Variants in TRPM7 observed in about 807,000 individuals in gnomAD.
TRPM7 encodes transient receptor potential cation channel subfamily M member 7.
In TRPM7, 134 loss-of-function variants were observed where a neutral mutation model predicts 229.7. The ratio of observed to expected loss-of-function variants is 0.58; its 90% CI spans 0.51 to 0.67. TRPM7 has a LOEUF of 0.67. TRPM7 is among the 30% of genes least tolerant of loss of function. The pLI is 0.00. For missense variants in TRPM7, 1,901 were observed against 2,210.0 expected, an observed-to-expected ratio of 0.86 and a Z score of 2.80; for synonymous variants, 699 against 715.2, an observed-to-expected ratio of 0.98 and a Z score of 0.36.
intron 15 of TRPM7, 68 bp downstream of exon 15, chr15:50,613,639 A>G: frequency 1.5e-6 from 2 of 1,345,998 alleles, no homozygotes; most frequent in Non-Finnish European, 1.9e-6. Context: ...TTTTTTGTTT[A>G]ATAATACTAA....
chr15:50,611,837 T>C (rs946724391), intron 16 of TRPM7, among the ~76,000 whole-genome samples: 1 of 152,226 alleles, frequency 6.6e-6, no homozygotes, highest in Non-Finnish European at 1.5e-5. Context: ...GGTCTTAGTA[T>C]ATATTAGAAA....
At chr15:50,581,454 G>C (rs1040717441) in intron 29 of TRPM7, among the ~76,000 whole-genome samples, 3 of 151,684 alleles carry the variant, frequency 2.0e-5, no homozygotes, top group African/African-American at 7.3e-5. Flanking sequence ...AGCCAAGATC[G>C]TGCCATTGCA....
At chr15:50,655,658 T>C (rs1307075222) in intron 3 of TRPM7, among the ~76,000 whole-genome samples, 2 of 152,028 alleles carry the variant, frequency 1.3e-5, no homozygotes, top group South Asian at 2.1e-4. Flanking sequence ...ACAGCTGCCT[T>C]CTCATTAGAA....
chr15:50,619,119 G>C (rs1281050803), intron 13 of TRPM7, among the ~76,000 whole-genome samples: 1 of 151,852 alleles, frequency 6.6e-6, no homozygotes, highest in African/African-American at 2.4e-5. Flanking sequence ...GCTGAAGATA[G>C]AGGAAAAAAG....
intron 30 of TRPM7, among the ~76,000 whole-genome samples, chr15:50,579,796 T>G (rs2174608): frequency 6.6e-6 from 1 of 151,890 alleles, no homozygotes; most frequent in Non-Finnish European, 1.5e-5. Flanking sequence ...TTTTCTTTTT[T>G]AAAAAAAATT....
chr15:50,594,387 A>G (rs2059584038), intron 24 of TRPM7, 42 bp downstream of exon 24: 1 of 1,465,790 alleles, frequency 6.8e-7, no homozygotes, highest in Admixed American at 2.0e-5. Flanking sequence ...AAAAATGAGA[A>G]GTGATAAAAT....
chr15:50,678,253 A>AC lies in TRPM7; in HGVS notation c.3+8277_3+8278insG, dbSNP rs1345171688. 1.1e-4 allele frequency among the ~76,000 whole-genome samples: 14 copies of AC among 127,028 alleles called. No individual in the cohort carries two copies. The East Asian group carries it at 1.2e-3, about 11-fold the overall frequency. The allele number at this position is 127,028 out of a possible 152,430, so 83.3% of individuals were successfully genotyped here. ...AGACTCTCTCTCAAAAAAAAAAAAC[A>AC]AAAACAAAAACAAAAACAAAAACAA... On this transcript the variant is annotated intron_variant, in intron 1 of 38. Transcript: ENST00000646667.
intron 13 of TRPM7, among the ~76,000 whole-genome samples, chr15:50,615,797 G>A (rs2060206358): frequency 6.6e-6 from 1 of 152,110 alleles, no homozygotes; most frequent in South Asian, 2.1e-4. Flanking sequence ...TCAGAAGGCT[G>A]AGGCAGAAGA....
At chr15:50,617,127 CAAAAAAATAAATAAAT>C (rs2060243112) in intron 13 of TRPM7, among the ~76,000 whole-genome samples, 5 of 135,298 alleles carry the variant, frequency 3.7e-5, no homozygotes, top group African/African-American at 1.4e-4. Context: ...CCATCTCTAC[CAAAAAAATAAATAAAT>C]AAATAAATAA....
At chr15:50,566,622 G>A (rs542189343) in intron 38 of TRPM7, among the ~76,000 whole-genome samples, 1 of 152,204 alleles carries the variant, frequency 6.6e-6, no homozygotes, top group South Asian at 2.1e-4. Context: ...TTTGAACCTG[G>A]GAGGTGGAGG....
At position 50,624,092 on chromosome 15, in the gene TRPM7, T is replaced by C. The variant is rs1326903780; in HGVS notation, c.1440+74A>G. 4 of 1,419,388 alleles carry C rather than the reference T, an allele frequency of 2.8e-6. No homozygotes were observed. In the African/African-American group the frequency reaches 4.3e-5, roughly 15 times the overall value. The allele number at this position is 1,419,388 out of a possible 1,614,324, so 87.9% of individuals were successfully genotyped here. The stretch of plus-strand genomic sequence containing the variant: ...ACATTAAGGGTTTTATCAATAGGAA[T>C]GGCTATATTCAGGTAAAGTAACATT... On this transcript the variant is annotated intron_variant, in intron 12 of 38. Coordinates refer to ENST00000646667, the MANE Select transcript of TRPM7 (RefSeq NM_017672.6).
intron 17 of TRPM7, among the ~76,000 whole-genome samples, chr15:50,610,622 C>A (rs2060040303): frequency 6.6e-6 from 1 of 152,034 alleles, no homozygotes; most frequent in Non-Finnish European, 1.5e-5. Flanking sequence ...AAGGTACATG[C>A]CATTTTACCC....
At position 50,634,510 on chromosome 15, in the gene TRPM7, C is replaced by T; in HGVS notation, c.879G>A (p.Gly293=). Reference sequence around the variant, plus strand: ...CAAGAACTGTGAGGATAACATTTGGCCCACCCTCAAATATAAGTGCCACCA... The same window carrying T: ...CAAGAACTGTGAGGATAACATTTGGTCCACCCTCAAATATAAGTGCCACCA... ...VPVVALIFEG[G]PNVILTVLEY... is the part of the protein sequence containing the mutation. The change falls in exon 8 of 39, where the codon GGG becomes GGA. Residue 293 remains glycine (G), a synonymous_variant. Transcript: ENST00000646667. 1 of 1,556,056 alleles carries T rather than the reference C, an allele frequency of 6.4e-7. No homozygotes were observed. Among genetic ancestry groups the T allele is most frequent in the African/African-American group, 1.4e-5 (1 of 71,148 alleles).
chr15:50,664,681 C>A (rs1315442980), intron 1 of TRPM7, among the ~76,000 whole-genome samples: 2 of 152,144 alleles, frequency 1.3e-5, no homozygotes, highest in African/African-American at 4.8e-5. Flanking sequence ...AACCTAACAG[C>A]AGAAGCCAGG....
At chr15:50,673,634 G>GTA (rs35356193) in intron 1 of TRPM7, among the ~76,000 whole-genome samples, 7,570 of 150,288 alleles carry the variant, frequency 0.05, 212 homozygotes, top group Middle Eastern at 0.11. Flanking sequence ...GTATTCCCTC[G>GTA]TATATATATA....
chr15:50,671,737 G>T (rs1434866473), intron 1 of TRPM7, among the ~76,000 whole-genome samples: 1 of 152,068 alleles, frequency 6.6e-6, no homozygotes, highest in East Asian at 1.9e-4. Flanking sequence ...TTGAGCCCAG[G>T]AGTTTGAGGT....
In TRPM7 at chr15:50,576,757, C is replaced by T. The variant is rs149286158; in HGVS notation, c.4619-838G>A. Among the ~76,000 whole-genome samples the T allele has an allele frequency of 7.0e-4, 107 of 152,166 alleles. 3 individuals carry two copies. In the East Asian group the frequency reaches 0.019, roughly 27 times the overall value. ...GCAGCTAAGACTACAAATTAATGGG[C>T]AAGAGTACAGGGATAACTGCAGGAG... On this transcript the variant is annotated intron_variant, in intron 31 of 38. Transcript: ENST00000646667.
intron 1 of TRPM7, among the ~76,000 whole-genome samples, chr15:50,683,528 A>G (rs2062289474): frequency 6.6e-6 from 1 of 151,960 alleles, no homozygotes; most frequent in Non-Finnish European, 1.5e-5. Context: ...TGGGGTCAGG[A>G]GTTTGAGACC....
chr15:50,652,447 G>T (rs970031626), intron 3 of TRPM7, among the ~76,000 whole-genome samples: 1 of 143,280 alleles, frequency 7.0e-6, no homozygotes, highest in African/African-American at 2.6e-5. Flanking sequence ...TTGATAAACT[G>T]AAGTCAGAAT....
Sources: gnomAD v4.1 joint callset for allele counts (sites outside exome capture counted in the v4.1 genomes callset) on GRCh38, gnomAD v4.1.1 for gene constraint, MANE v1.5 for transcripts, NCBI Gene and HGNC (gene_info 2026-07-23, HGNC 2026-07-21) for gene names.